The following GRIK2 variants were observed in gnomAD, a reference collection of about 807,000 sequenced individuals.
GRIK2 encodes the protein glutamate receptor ionotropic, kainate 2.
Under a neutral mutation model 100.3 loss-of-function variants are expected in GRIK2, and 32 were observed. The observed-to-expected ratio is 0.32, with a 90% CI of 0.24 to 0.43. GRIK2 has a LOEUF of 0.43. GRIK2 is among the 20% of genes least tolerant of loss of function. The pLI is 1.00. For synonymous variants in GRIK2, 417 were observed against 389.4 expected (o/e 1.07, Z -0.83); for missense variants, 843 against 1,114.9 (o/e 0.76, Z 3.47).
At chr6:101,635,210 C>T (rs1429862313) in intron 4 of GRIK2, among the ~76,000 whole-genome samples, 1 of 151,968 alleles carries the variant, frequency 6.6e-6, no homozygotes, top group Non-Finnish European at 1.5e-5. Context: ...ATACAATTAG[C>T]AATTATGAGT....
In GRIK2 at chr6:101,780,797, C is replaced by T. The variant is rs143012210; in HGVS notation, c.952-18851C>T. ...AATCTCTAAATTTGGGTGTAAGAGA[C>T]GCCTCTTAGGCCCCAGCGTGAAAGA... On this transcript the variant is annotated intron_variant, in intron 7 of 16. Transcript: ENST00000369134. 1.3e-4 allele frequency among the ~76,000 whole-genome samples: 20 copies of T among 152,230 alleles called. No homozygotes were observed. In the East Asian group the frequency reaches 1.9e-3, roughly 15 times the overall value.
At chr6:101,434,701 C>T (rs565998416) in intron 2 of GRIK2, among the ~76,000 whole-genome samples, 16 of 152,038 alleles carry the variant, frequency 1.1e-4, no homozygotes, top group African/African-American at 3.9e-4. Flanking sequence ...ATTTTCCTGG[C>T]CTTTCTGTGT....
At chr6:101,858,666 G>GGC (rs1784575251) in intron 10 of GRIK2, among the ~76,000 whole-genome samples, 1 of 151,864 alleles carries the variant, frequency 6.6e-6, no homozygotes, top group Non-Finnish European at 1.5e-5. Flanking sequence ...TGGGATTACA[G>GGC]GTGCAAGCCA....
chr6:101,612,090 G>A (rs757347130), intron 2 of GRIK2, among the ~76,000 whole-genome samples: 4 of 151,802 alleles, frequency 2.6e-5, no homozygotes, highest in Non-Finnish European at 5.9e-5. Flanking sequence ...ATGGGGCCTG[G>A]ACTGAGGTCC....
intron 2 of GRIK2, among the ~76,000 whole-genome samples, chr6:101,459,522 G>A (rs1771186200): frequency 6.6e-6 from 1 of 152,080 alleles, no homozygotes; most frequent in Admixed American, 6.6e-5. Flanking sequence ...AGAAGGTACA[G>A]CTTACTTGGA....
At chr6:102,009,886 T>C (rs148951228) in intron 14 of GRIK2, among the ~76,000 whole-genome samples, 1 of 152,272 alleles carries the variant, frequency 6.6e-6, no homozygotes, top group African/African-American at 2.4e-5. Flanking sequence ...TATTACCTTG[T>C]TAAAAGATTT....
At chr6:101,921,538 T>C (rs1292819103) in intron 12 of GRIK2, among the ~76,000 whole-genome samples, 2 of 152,132 alleles carry the variant, frequency 1.3e-5, no homozygotes, top group East Asian at 1.9e-4. Context: ...ACAGGGAAGA[T>C]AGAATTCAGT....
chr6:101,945,289 A>G (rs890055811), intron 14 of GRIK2, among the ~76,000 whole-genome samples: 38 of 152,126 alleles, frequency 2.5e-4, no homozygotes, highest in African/African-American at 9.2e-4. Flanking sequence ...TTTCAAAACT[A>G]AAATAATGTG....
intron 7 of GRIK2, among the ~76,000 whole-genome samples, chr6:101,788,459 G>A (rs1779590836): frequency 6.6e-6 from 1 of 151,796 alleles, no homozygotes; most frequent in African/African-American, 2.4e-5. Flanking sequence ...AACATGCAGT[G>A]TTTGGTTTTT....
intron 2 of GRIK2, among the ~76,000 whole-genome samples, chr6:101,484,593 G>T (rs1250625493): frequency 6.6e-6 from 1 of 150,848 alleles, no homozygotes; most frequent in African/African-American, 2.4e-5. Context: ...TGCTAAGTTG[G>T]TATTTATGTC....
At chr6:101,570,556 T>C (rs1448620414) in intron 2 of GRIK2, among the ~76,000 whole-genome samples, 1 of 152,068 alleles carries the variant, frequency 6.6e-6, no homozygotes, top group East Asian at 1.9e-4. Flanking sequence ...GCAGGACACA[T>C]CTTTGAGTAC....
In GRIK2 at chr6:101,754,585, A is replaced by G. The variant is rs186437575; in HGVS notation, c.952-45063A>G. 4.6e-5 allele frequency among the ~76,000 whole-genome samples: 7 copies of G among 152,332 alleles called. No individual in the cohort carries two copies. The East Asian group carries it at 1.2e-3, about 25-fold the overall frequency. Reference sequence around the variant, plus strand: ...GCTATAATCCTTTTCCCCACAGAACATTCAGTCTCACGAGGGAAATAGACA... The same window carrying G: ...GCTATAATCCTTTTCCCCACAGAACGTTCAGTCTCACGAGGGAAATAGACA... On this transcript the variant is annotated intron_variant, in intron 7 of 16. Transcript: ENST00000369134.
intron 2 of GRIK2, among the ~76,000 whole-genome samples, chr6:101,494,030 A>G (rs542840431): frequency 2.4e-5 from 2 of 83,862 alleles, no homozygotes; most frequent in Non-Finnish European, 4.3e-5. Flanking sequence ...AATTATATAT[A>G]TAATTTATTA....
Position 101,894,282 on chromosome 6 carries a change from G to T in GRIK2, c.1748+4419G>T, listed in dbSNP as rs150892869. Among the ~76,000 whole-genome samples the T allele has an allele frequency of 7.9e-3, 1,204 of 151,750 alleles. 22 individuals are homozygous for T. The highest frequency in any genetic ancestry group is 0.027 in the African/African-American group (1,139 of 41,490). On this transcript the variant is annotated intron_variant, in intron 12 of 16. Coordinates refer to ENST00000369134, the MANE Select transcript of GRIK2 (RefSeq NM_021956.5). Reference sequence around the variant, plus strand: ...TATATTTAACCAATACTGAGAAGGAGATGTATGGTGTTGGTTTTTGTCTCC... The same window carrying T: ...TATATTTAACCAATACTGAGAAGGATATGTATGGTGTTGGTTTTTGTCTCC...
intron 10 of GRIK2, among the ~76,000 whole-genome samples, chr6:101,852,235 C>CAAAAGTATGAAATCAATAGAGCTAA (rs1784174923): frequency 6.6e-6 from 1 of 151,984 alleles, no homozygotes; most frequent in Admixed American, 6.6e-5. Flanking sequence ...CTAAATGAAA[C>CAAAAGTATGAAATCAATAGAGCTAA]AAAAGTATGA....
chr6:101,709,054 A>G (rs760413223), intron 7 of GRIK2, among the ~76,000 whole-genome samples: 1 of 151,868 alleles, frequency 6.6e-6, no homozygotes, highest in African/African-American at 2.4e-5. Flanking sequence ...AATATTAACG[A>G]TAATTTAAAA....
At chr6:102,066,300 T>A (rs1772013463) in intron 16 of GRIK2, among the ~76,000 whole-genome samples, 1 of 151,560 alleles carries the variant, frequency 6.6e-6, no homozygotes, top group South Asian at 2.1e-4. Flanking sequence ...TAGAGTCCTG[T>A]GTATCTATTG....
chr6:101,481,909 A>AT (rs987289996), intron 2 of GRIK2, among the ~76,000 whole-genome samples: 7 of 152,078 alleles, frequency 4.6e-5, no homozygotes, highest in Non-Finnish European at 8.8e-5. Context: ...AGATCTGATG[A>AT]TTTTCTACGT....
At chr6:101,668,453 A>G (rs188147663) in intron 4 of GRIK2, among the ~76,000 whole-genome samples, 20 of 152,318 alleles carry the variant, frequency 1.3e-4, no homozygotes, top group Non-Finnish European at 1.8e-4. Context: ...TAGCTGGTAC[A>G]TATGCACTAT....
Sources: gnomAD v4.1 joint callset for allele counts (sites outside exome capture counted in the v4.1 genomes callset) on GRCh38, gnomAD v4.1.1 for gene constraint, MANE v1.5 for transcripts, NCBI Gene and HGNC (gene_info 2026-07-23, HGNC 2026-07-21) for gene names.